The following OSBPL8 variants were observed in gnomAD, a reference collection of about 807,000 sequenced individuals.
OSBPL8 encodes oxysterol binding protein like 8.
Under a neutral mutation model 125.5 loss-of-function variants are expected in OSBPL8, and 59 were observed. That is an observed-to-expected ratio of 0.47 (90% CI 0.38 to 0.58). The LOEUF (loss-of-function observed/expected upper bound fraction) is 0.58, where lower values mean the gene tolerates loss of function less well. OSBPL8 is among the 20% of genes least tolerant of loss of function. OSBPL8 has a pLI of 0.00. For synonymous variants in OSBPL8, 330 were observed against 338.9 expected, an observed-to-expected ratio of 0.97 and a Z score of 0.29; for missense variants, 758 against 1,047.8, an observed-to-expected ratio of 0.72 and a Z score of 3.82.
intron 18 of OSBPL8, among the ~76,000 whole-genome samples, chr12:76,372,171 TTCTC>T (rs368407882): frequency 7.3e-5 from 11 of 151,482 alleles, no homozygotes; most frequent in Admixed American, 2.6e-4. Flanking sequence ...ATCCTTCTCC[TTCTC>T]TCTCTCTCTG....
intron 1 of OSBPL8, among the ~76,000 whole-genome samples, chr12:76,551,175 G>C (rs984447142): frequency 1.3e-5 from 2 of 152,128 alleles, no homozygotes; most frequent in Non-Finnish European, 2.9e-5. Context: ...ATACAGAAAT[G>C]AACTGCTCCC....
intron 13 of OSBPL8, 87 bp from the exon 14 acceptor site, chr12:76,386,353 C>T: frequency 6.8e-7 from 1 of 1,460,518 alleles, no homozygotes; most frequent in Admixed American, 2.7e-5. Context: ...TTTAACTCTA[C>T]CATCTGGGAA....
At chr12:76,466,486 T>C (rs1363001005) in intron 2 of OSBPL8, among the ~76,000 whole-genome samples, 2 of 152,156 alleles carry the variant, frequency 1.3e-5, no homozygotes, top group Non-Finnish European at 2.9e-5. Context: ...AATATGGCAA[T>C]ATCTAAAAAG....
intron 15 of OSBPL8, among the ~76,000 whole-genome samples, chr12:76,383,307 G>A (rs1953141127): frequency 6.6e-6 from 1 of 151,486 alleles, no homozygotes; most frequent in Non-Finnish European, 1.5e-5. Context: ...GAAAGGTGAA[G>A]TAGGTAAGAA....
At chr12:76,546,487 C>A (rs1201887626) in intron 1 of OSBPL8, among the ~76,000 whole-genome samples, 2 of 151,788 alleles carry the variant, frequency 1.3e-5, no homozygotes, top group Admixed American at 6.6e-5. Context: ...CTATATAATG[C>A]TGAAGATTCT....
At chr12:76,369,350 G>T in intron 20 of OSBPL8, 49 bp from the exon 21 acceptor site, 2 of 1,531,402 alleles carry the variant, frequency 1.3e-6, no homozygotes, top group Non-Finnish European at 1.7e-6. Context: ...ACTAAACAAA[G>T]AACTTTAAAA....
chr12:76,531,629 G>A (rs1303782769), intron 1 of OSBPL8, among the ~76,000 whole-genome samples: 1 of 152,138 alleles, frequency 6.6e-6, no homozygotes, highest in Non-Finnish European at 1.5e-5. Flanking sequence ...TTGGGGGAGA[G>A]ATAACTGAAT....
chr12:76,455,385 C>T (rs1592712917), intron 3 of OSBPL8, among the ~76,000 whole-genome samples: 1 of 152,114 alleles, frequency 6.6e-6, no homozygotes, highest in East Asian at 1.9e-4. Context: ...TCAGACAGAA[C>T]ATTTAATGCT....
intron 4 of OSBPL8, among the ~76,000 whole-genome samples, chr12:76,437,054 A>G (rs1356933215): frequency 6.6e-6 from 1 of 152,082 alleles, no homozygotes; most frequent in Non-Finnish European, 1.5e-5. Context: ...ATATATTGTA[A>G]TATTTATTCA....
chr12:76,373,386 A>G lies in OSBPL8; in HGVS notation c.1875T>C (p.Leu625=). 6.2e-7 allele frequency: 1 copy of G among 1,609,322 alleles called. No individual in the cohort carries two copies. Residue 625 remains leucine (L), a synonymous_variant, in exon 18 of 24, where the codon CTT becomes CTC. Transcript: ENST00000261183. ...SDCVNQISGK[L]KLGKEVLATL... ...TAGCTAGGACTTCTTTTCCCAGTTT[A>G]AGTTTCCCTGATATTTGATTAACAC... is the stretch of plus-strand genomic sequence containing the variant.
At chr12:76,395,107 A>G (rs1953736383) in intron 8 of OSBPL8, among the ~76,000 whole-genome samples, 1 of 152,182 alleles carries the variant, frequency 6.6e-6, no homozygotes, top group Non-Finnish European at 1.5e-5. Flanking sequence ...ATGTGGAAAT[A>G]GAATTATAAT....
chr12:76,399,795 G>A lies in OSBPL8; in HGVS notation c.468+78C>T, dbSNP rs146338396. ...TAGGAGCTGTTTTTGTCTTGTAGGC[G>A]TTAGGTATACTCCAGGCTTTTCCAT... On this transcript the variant is annotated intron_variant, in intron 7 of 23. Transcript: ENST00000261183. 5.2e-5 allele frequency: 57 copies of A among 1,103,078 alleles called. No homozygotes were observed. In the East Asian group the frequency reaches 9.9e-4, roughly 19 times the overall value. The allele number at this position is 1,103,078 out of a possible 1,614,324, so 68.3% of individuals were successfully genotyped here. A position where few individuals can be genotyped will look rare whatever the true frequency, so the allele number is the denominator to read the frequency against.
At chr12:76,399,794 C>CG in intron 7 of OSBPL8, 79 bp downstream of exon 7, 1 of 1,063,492 alleles carries the variant, frequency 9.4e-7, no homozygotes, top group Non-Finnish European at 1.3e-6. Context: ...GTCTTGTAGG[C>CG]GTTAGGTATA....
chr12:76,558,410 A>C (rs774147485), intron 1 of OSBPL8, among the ~76,000 whole-genome samples: 2 of 152,178 alleles, frequency 1.3e-5, no homozygotes, highest in South Asian at 4.1e-4. Flanking sequence ...GGGAGGCAAA[A>C]ACTGTTTTAA....
intron 2 of OSBPL8, among the ~76,000 whole-genome samples, chr12:76,469,947 A>G (rs1195371153): frequency 6.6e-6 from 1 of 152,250 alleles, no homozygotes; most frequent in Non-Finnish European, 1.5e-5. Flanking sequence ...AATACCTAGC[A>G]AAGTCTTTGG....
intron 4 of OSBPL8, among the ~76,000 whole-genome samples, chr12:76,412,911 AGT>A (rs1237267483): frequency 1.3e-5 from 2 of 152,210 alleles, no homozygotes; most frequent in African/African-American, 4.8e-5. Context: ...TTGCAGGCAT[AGT>A]TAGCTGTTCC....
At position 76,354,653 on chromosome 12, in the gene OSBPL8, TA is replaced by T. The variant is rs1951921904; in HGVS notation, c.*1235del. 1 of 151,930 alleles carries T rather than the reference TA, an allele frequency of 6.6e-6. No individual in the cohort carries two copies. Among genetic ancestry groups the T allele is most frequent in the African/African-American group, 2.4e-5 (1 of 41,410 alleles). The allele number at this position is 151,930 out of a possible 1,614,324, so 9.4% of individuals were successfully genotyped here. ...CTTTCAAGGAATATAAATATTTACGTAAAAACACAAAATCAAAATATTAAAC... is the reference window on the plus strand; with the variant it reads ...CTTTCAAGGAATATAAATATTTACGTAAAACACAAAATCAAAATATTAAAC... On this transcript the variant is annotated 3_prime_UTR_variant, in exon 24 of 24. Coordinates refer to ENST00000261183, the MANE Select transcript of OSBPL8 (RefSeq NM_020841.5).
At chr12:76,356,294 G>A (rs1442350997) in intron 23 of OSBPL8, among the ~76,000 whole-genome samples, 1 of 152,126 alleles carries the variant, frequency 6.6e-6, no homozygotes, top group African/African-American at 2.4e-5. Flanking sequence ...CATGCACAGA[G>A]GGGACTATAG....
At chr12:76,514,652 A>C (rs141282597) in intron 1 of OSBPL8, among the ~76,000 whole-genome samples, 1 of 152,204 alleles carries the variant, frequency 6.6e-6, no homozygotes, top group African/African-American at 2.4e-5. Flanking sequence ...TCTTGTATAG[A>C]GTCTTTCAGG....
Sources: gnomAD v4.1 joint callset for allele counts (sites outside exome capture counted in the v4.1 genomes callset) on GRCh38, gnomAD v4.1.1 for gene constraint, MANE v1.5 for transcripts, NCBI Gene and HGNC (gene_info 2026-07-23, HGNC 2026-07-21) for gene names.